The following CELSR1 variants were observed in gnomAD, a reference collection of about 807,000 sequenced individuals.
The protein encoded by CELSR1 is adhesion G protein-coupled receptor C1.
CELSR1 carries 110 observed loss-of-function variants against 249.1 expected under a neutral mutation model. The observed-to-expected ratio is 0.44, with a 90% confidence interval of 0.38 to 0.52. The LOEUF (loss-of-function observed/expected upper bound fraction) is 0.52. Ranked by LOEUF, CELSR1 falls within the 20% of genes least tolerant of loss-of-function variation. CELSR1 has a pLI of 0.00. For synonymous variants in CELSR1, 2,113 were observed against 1,900.0 expected (o/e 1.11, Z -2.92); for missense variants, 4,109 against 4,296.4 (o/e 0.96, Z 1.22).
Position 46,445,421 on chromosome 22 carries a change from G to A in CELSR1, c.4184-6010C>T, listed in dbSNP as rs1263310859. On this transcript the variant is annotated intron_variant, in intron 2 of 34. Transcript: ENST00000674500. The surrounding 1 kb of genome is among the most constrained non-coding windows in gnomAD (Gnocchi z 4.4). ...AGGCAGGAGAATCTCTTGAATCCAG[G>A]AGGTAGAGATTGCGGTGAACCAAAA... is the stretch of plus-strand genomic sequence containing the variant. Among the ~76,000 whole-genome samples, 1 of 152,190 alleles carries A rather than the reference G, an allele frequency of 6.6e-6. No individual in the cohort carries two copies. The highest frequency in any genetic ancestry group is 1.5e-5 in the Non-Finnish European group (1 of 68,050).
intron 1 of CELSR1, among the ~76,000 whole-genome samples, chr22:46,489,069 C>G (rs1346340619): frequency 6.6e-6 from 1 of 152,130 alleles, no homozygotes; most frequent in Non-Finnish European, 1.5e-5. Context: ...GGGCCACCTT[C>G]CTGCTGGTCA....
chr22:46,457,613 T>G (rs1287556625), intron 2 of CELSR1, among the ~76,000 whole-genome samples: 2 of 152,160 alleles, frequency 1.3e-5, no homozygotes, highest in Admixed American at 6.5e-5. Context: ...GACGCTACCG[T>G]GATGACAAAT....
intron 1 of CELSR1, among the ~76,000 whole-genome samples, chr22:46,466,090 G>A (rs2080093522): frequency 6.6e-6 from 1 of 152,174 alleles, no homozygotes; most frequent in South Asian, 2.1e-4. Flanking sequence ...AGAGCACCTC[G>A]GAGCAGGAAG....
At chr22:46,530,749 C>A (rs557545898) in intron 1 of CELSR1, among the ~76,000 whole-genome samples, 1 of 152,240 alleles carries the variant, frequency 6.6e-6, no homozygotes, top group African/African-American at 2.4e-5. Context: ...TTCAACCCCA[C>A]GCCAGGCTAA....
chr22:46,367,933 T>C lies in CELSR1; in HGVS notation c.7953-78A>G, dbSNP rs2078805891. 5 of 1,500,726 alleles carry C rather than the reference T, an allele frequency of 3.3e-6. No individual in the cohort carries two copies. The South Asian group carries it at 5.1e-5, about 15-fold the overall frequency. 93.0% of individuals were successfully genotyped at this position (1,500,726 alleles called of 1,614,324 possible). ...CTCCCTCCCTCTCTGCACGTCCACCTGTCCACCTGCCTGCCCGTCCGCCCA... is the reference window on the plus strand; with the variant it reads ...CTCCCTCCCTCTCTGCACGTCCACCCGTCCACCTGCCTGCCCGTCCGCCCA... On this transcript the variant is annotated intron_variant, in intron 27 of 34. Coordinates refer to ENST00000674500, the MANE Select transcript of CELSR1 (RefSeq NM_001378328.1).
intron 1 of CELSR1, among the ~76,000 whole-genome samples, chr22:46,524,623 A>C (rs2147800207): frequency 6.6e-6 from 1 of 152,076 alleles, no homozygotes; most frequent in East Asian, 1.9e-4. Context: ...GCCTTCATCC[A>C]GGACAAGAGA....
chr22:46,442,629 T>A (rs927691810), intron 2 of CELSR1, among the ~76,000 whole-genome samples: 14 of 152,236 alleles, frequency 9.2e-5, no homozygotes, highest in African/African-American at 2.9e-4. Flanking sequence ...GGAAAGCCTG[T>A]CAATCCTCCA....
In CELSR1 at chr22:46,390,775, G is replaced by T. The variant is rs1379172576; in HGVS notation, c.6251-289C>A. 6.6e-6 allele frequency among the ~76,000 whole-genome samples: 1 copy of T among 152,158 alleles called. No individual in the cohort carries two copies. The highest frequency in any genetic ancestry group is 1.5e-5 in the Non-Finnish European group (1 of 68,026). On this transcript the variant is annotated intron_variant, in intron 16 of 34. Transcript: ENST00000674500. This position sits in a 1 kb window ranked among gnomAD's most constrained non-coding sequence, Gnocchi z 6.3. ...AGCAACACCATCTGCCGGCAGCCAC[G>T]ATCCCATGCACCAGGAATCCATTTC...
At position 46,526,096 on chromosome 22, in the gene CELSR1, C is replaced by T. The variant is rs900888365; in HGVS notation, c.3544+7531G>A. Among the ~76,000 whole-genome samples, 23 of 152,222 alleles carry T rather than the reference C, an allele frequency of 1.5e-4. No individual in the cohort carries two copies. The highest frequency in any genetic ancestry group is 5.3e-4 in the African/African-American group (22 of 41,454). ...GGGCAGCTGGTGCTGAGGTGGGCGC[C>T]CTGCCCTGGTGAGTCCATGTCCCGT... On this transcript the variant is annotated intron_variant, in intron 1 of 34. Coordinates refer to ENST00000674500, the MANE Select transcript of CELSR1 (RefSeq NM_001378328.1). The surrounding 1 kb of genome is among the most constrained non-coding windows in gnomAD (Gnocchi z 4.7).
In CELSR1 at chr22:46,389,646, T is replaced by C. The variant is rs1219076293; in HGVS notation, c.6346-147A>G. 4.5e-6 allele frequency: 4 copies of C among 893,750 alleles called. No individual in the cohort carries two copies. In the East Asian group the frequency reaches 1.1e-4, roughly 24 times the overall value. 55.4% of individuals were successfully genotyped at this position (893,750 alleles called of 1,614,324 possible). On this transcript the variant is annotated intron_variant, in intron 17 of 34. Transcript: ENST00000674500. The stretch of plus-strand genomic sequence containing the variant: ...AATCCAAAAGCCTGGCTGGGCATGG[T>C]GGCTCACGCCTGTAATCCCAGCACT...
At chr22:46,405,770 G>A (rs375461941) in intron 9 of CELSR1, among the ~76,000 whole-genome samples, 17 of 152,202 alleles carry the variant, frequency 1.1e-4, no homozygotes, top group African/African-American at 4.1e-4. Flanking sequence ...CACAGTGGCA[G>A]GGGCACAGGA....
intron 1 of CELSR1, among the ~76,000 whole-genome samples, chr22:46,492,764 C>A (rs917666129): frequency 6.6e-6 from 1 of 151,286 alleles, no homozygotes. Flanking sequence ...CGGCCGAAAC[C>A]CAGGAGGACA....
chr22:46,453,956 C>G (rs2079916258), intron 2 of CELSR1, among the ~76,000 whole-genome samples: 1 of 152,234 alleles, frequency 6.6e-6, no homozygotes, highest in South Asian at 2.1e-4. Flanking sequence ...GCGTCCACAT[C>G]TTCATCTCTG....
intron 19 of CELSR1, 52 bp from the exon 20 acceptor site, chr22:46,384,738 C>A: frequency 6.5e-7 from 1 of 1,543,780 alleles, no homozygotes; most frequent in Non-Finnish European, 8.7e-7. Flanking sequence ...TTTCTTGAAC[C>A]CCTGCTGTTT....
At chr22:46,443,549 G>A (rs1045895842) in intron 2 of CELSR1, among the ~76,000 whole-genome samples, 2 of 152,334 alleles carry the variant, frequency 1.3e-5, no homozygotes, top group East Asian at 1.9e-4. Context: ...CCCTGCAGGC[G>A]GGCCATGTGC....
At position 46,471,415 on chromosome 22, in the gene CELSR1, A is replaced by G. The variant is rs968330811; in HGVS notation, c.3545-7070T>C. On this transcript the variant is annotated intron_variant, in intron 1 of 34. Transcript: ENST00000674500. This position sits in a 1 kb window ranked among gnomAD's most constrained non-coding sequence, Gnocchi z 4.9. ...GGGTCTTTTGCTTGTTTTGAGACAG[A>G]GTCTCATTCTGTGGCCCAGGCTGGA... is the stretch of plus-strand genomic sequence containing the variant. Among the ~76,000 whole-genome samples, 1 of 151,982 alleles carries G rather than the reference A, an allele frequency of 6.6e-6. No homozygotes were observed. The highest frequency in any genetic ancestry group is 1.9e-4 in the East Asian group (1 of 5,158).
At chr22:46,457,353 GAA>G (rs1228106463) in intron 2 of CELSR1, among the ~76,000 whole-genome samples, 74 of 151,954 alleles carry the variant, frequency 4.9e-4, no homozygotes, top group African/African-American at 1.6e-3. Flanking sequence ...CGGGGGCGGG[GAA>G]AAAGATTATT....
rs1334471917 is a variant in CELSR1, at chr22:46,393,266, G to A, written c.5964+876C>T. 6.6e-6 allele frequency among the ~76,000 whole-genome samples: 1 copy of A among 152,210 alleles called. No homozygotes were observed. The highest frequency in any genetic ancestry group is 1.5e-5 in the Non-Finnish European group (1 of 68,038). Reference sequence around the variant, plus strand: ...GAGGTGATGTATCCTGAGAGGGCTGGGGAGGGGTCCCTAGAGTCTGCACTG... The same window carrying A: ...GAGGTGATGTATCCTGAGAGGGCTGAGGAGGGGTCCCTAGAGTCTGCACTG... On this transcript the variant is annotated intron_variant, in intron 14 of 34. Coordinates refer to ENST00000674500, the MANE Select transcript of CELSR1 (RefSeq NM_001378328.1). This position sits in a 1 kb window ranked among gnomAD's most constrained non-coding sequence, Gnocchi z 4.1.
At chr22:46,503,292 T>C (rs2080483766) in intron 1 of CELSR1, among the ~76,000 whole-genome samples, 1 of 152,236 alleles carries the variant, frequency 6.6e-6, no homozygotes, top group Non-Finnish European at 1.5e-5. Context: ...AGCCTCTGCT[T>C]CCAGCGACCC....
Sources: allele counts gnomAD v4.1 joint callset (sites outside exome capture counted in the v4.1 genomes callset), GRCh38; gene constraint gnomAD v4.1.1; non-coding constraint Gnocchi (gnomAD v3.1); transcripts MANE v1.5; gene names NCBI Gene and HGNC (gene_info 2026-07-23, HGNC 2026-07-21).